The following TBC1D8B variants were observed in gnomAD, a reference collection of about 807,000 sequenced individuals.
TBC1D8B encodes the protein RP11-321G1.1.
TBC1D8B carries 75 observed loss-of-function variants against 82.9 expected under a neutral mutation model. The ratio of observed to expected loss-of-function variants is 0.90; its 90% confidence interval spans 0.75 to 1.10. The LOEUF (loss-of-function observed/expected upper bound fraction) is 1.10, where lower values mean the gene tolerates loss of function less well. Among genes scored for constraint, TBC1D8B ranks in the 50% least tolerant of loss-of-function variants. The pLI is 0.00. For missense variants in TBC1D8B, 794 were observed against 796.9 expected (o/e 1.00, Z 0.04); for synonymous variants, 276 against 276.8 (o/e 1.00, Z 0.03).
chrX:106,861,606 C>T (rs1354294929), intron 14 of TBC1D8B, among the ~76,000 whole-genome samples: 1 of 111,545 alleles, frequency 9.0e-6, no homozygotes, highest in African/African-American at 3.3e-5. Context: ...TACTTTGAGC[C>T]TTTGGATGTC....
At chrX:106,821,821 A>T (rs983839018) in intron 3 of TBC1D8B, among the ~76,000 whole-genome samples, 156 bp from the exon 4 acceptor site, 3 of 111,381 alleles carry the variant, frequency 2.7e-5, no homozygotes, top group Non-Finnish European at 1.9e-5. Context: ...TTTTTTCCCA[A>T]ATATTTTCAA....
At chrX:106,870,410 C>T (rs1053547000) in intron 19 of TBC1D8B, among the ~76,000 whole-genome samples, 1 of 112,054 alleles carries the variant, frequency 8.9e-6, no homozygotes, top group African/African-American at 3.2e-5. Flanking sequence ...AGAATGACTA[C>T]ATAAAATTTG....
At chrX:106,862,996 GC>G in intron 14 of TBC1D8B, among the ~76,000 whole-genome samples, 1 of 109,270 alleles carries the variant, frequency 9.2e-6, no homozygotes, top group South Asian at 4.0e-4. Context: ...TGCCAGAGAG[GC>G]CAAGGTGTTC....
intron 16 of TBC1D8B, 90 bp downstream of exon 16, chrX:106,866,123 C>T: frequency 3.3e-6 from 3 of 922,916 alleles, no homozygotes; most frequent in Non-Finnish European, 4.5e-6. Context: ...ATTATATCAC[C>T]ATGGGTTACA....
chrX:106,872,931 T>C lies in TBC1D8B; in HGVS notation c.2968-639T>C, dbSNP rs1055848522. Among the ~76,000 whole-genome samples the C allele has an allele frequency of 4.5e-5, 5 of 110,944 alleles. No individual in the cohort carries two copies. In the Admixed American group the frequency reaches 4.8e-4, roughly 11 times the overall value. ...GCTGCAGTGAGCTATGATTGCACCA[T>C]GGTACTCAAGCCTGGACAACACAGC... On this transcript the variant is annotated intron_variant, in intron 20 of 20. Coordinates refer to ENST00000357242, the MANE Select transcript of TBC1D8B (RefSeq NM_017752.3).
At chrX:106,812,153 A>T (rs1931400766) in intron 1 of TBC1D8B, among the ~76,000 whole-genome samples, 1 of 111,911 alleles carries the variant, frequency 8.9e-6, no homozygotes, top group African/African-American at 3.2e-5. Flanking sequence ...CTATTGAATT[A>T]TTCCAAAATA....
intron 4 of TBC1D8B, among the ~76,000 whole-genome samples, 193 bp from the exon 5 acceptor site, chrX:106,823,033 A>G (rs746339427): frequency 1.2e-4 from 13 of 111,091 alleles, no homozygotes; most frequent in Non-Finnish European, 2.5e-4. Flanking sequence ...TTAAAATTAG[A>G]TCTCTTCCTG....
intron 7 of TBC1D8B, among the ~76,000 whole-genome samples, chrX:106,832,139 A>ATCTCCAATTTAGAC (rs1932063774): frequency 2.7e-5 from 3 of 111,250 alleles, no homozygotes; most frequent in African/African-American, 6.5e-5. Flanking sequence ...TTTATTTTAA[A>ATCTCCAATTTAGAC]TCTCCAAGAG....
intron 14 of TBC1D8B, among the ~76,000 whole-genome samples, chrX:106,861,307 A>G: frequency 9.0e-6 from 1 of 111,363 alleles, no homozygotes; most frequent in East Asian, 2.8e-4. Flanking sequence ...GATATGACTA[A>G]TACTGTCAGT....
intron 7 of TBC1D8B, chrX:106,828,573 C>T (rs1211545484): frequency 9.1e-6 from 1 of 110,161 alleles, no homozygotes; most frequent in African/African-American, 3.4e-5. Context: ...TCCAGCAGCA[C>T]ATCAAAAAGC....
At chrX:106,858,639 A>G (rs1932742341) in intron 14 of TBC1D8B, among the ~76,000 whole-genome samples, 1 of 112,236 alleles carries the variant, frequency 8.9e-6, no homozygotes, top group East Asian at 2.8e-4. Flanking sequence ...ATAGTTTGCA[A>G]ATATTTTTTC....
At chrX:106,807,120 C>A (rs967257488) in intron 1 of TBC1D8B, among the ~76,000 whole-genome samples, 1 of 110,941 alleles carries the variant, frequency 9.0e-6, no homozygotes, top group Admixed American at 9.7e-5. Flanking sequence ...AAAATTTTGG[C>A]CTTCTAAGTA....
At chrX:106,862,776 G>GTTTTTTTTTT (rs1181091591) in intron 14 of TBC1D8B, among the ~76,000 whole-genome samples, 1,350 of 35,711 alleles carry the variant, frequency 0.038, 2 homozygotes, top group African/African-American at 0.045. Flanking sequence ...GTTTTTTTTT[G>GTTTTTTTTTT]TTTTTTTTTT....
chrX:106,812,145 A>G (rs1280803622), intron 1 of TBC1D8B, among the ~76,000 whole-genome samples: 1 of 111,807 alleles, frequency 8.9e-6, no homozygotes, highest in African/African-American at 3.2e-5. Flanking sequence ...AACTGTGGCT[A>G]TTGAATTATT....
rs184763309 is a variant in TBC1D8B at position 106,864,284 on chromosome X, T to C, written c.2353-1275T>C. ...AGAGTGTGAATTACCCTCTCCCGTA[T>C]TGGGGAGCTTCTCCTGACTCCGCAT... On this transcript the variant is annotated intron_variant, in intron 14 of 20. Transcript: ENST00000357242. 4.4e-4 allele frequency among the ~76,000 whole-genome samples: 49 copies of C among 110,590 alleles called. No individual in the cohort carries two copies. The South Asian group carries it at 5.6e-3, about 13-fold the overall frequency.
intron 3 of TBC1D8B, 37 bp downstream of exon 3, chrX:106,821,032 A>G: frequency 1.2e-6 from 1 of 838,791 alleles, no homozygotes; most frequent in Non-Finnish European, 1.7e-6. Context: ...ATGGAGTGCC[A>G]AAACCTTTGA....
At chrX:106,814,406 T>C (rs1335859194) in intron 1 of TBC1D8B, 1 of 106,344 alleles carries the variant, frequency 9.4e-6, no homozygotes, top group Non-Finnish European at 1.9e-5. Context: ...TAGTATTCCA[T>C]GGTGTATATG....
At position 106,826,187 on chromosome X, in the gene TBC1D8B, T is replaced by G. The variant is rs1455890654; in HGVS notation, c.985T>G (p.Phe329Val). The G allele has an allele frequency of 6.6e-6, 8 of 1,209,144 alleles. No individual in the cohort carries two copies. Among genetic ancestry groups the G allele is most frequent in the Non-Finnish European group, 7.8e-6 (7 of 894,726 alleles). ...KMCISENYIC[F>V]ASQDGNQCSV... ...GTGCATCTCAGAAAATTATATCTGC[T>G]TTGCTAGCCAAGATGGCAATCAGTG... is the stretch of plus-strand genomic sequence containing the variant. Residue 329 changes from phenylalanine (F) to valine (V), a missense_variant, in exon 6 of 21, where the codon TTT becomes GTT. By Grantham distance (50) the Phe-to-Val change is conservative (BLOSUM62 -1). Coordinates refer to ENST00000357242, the MANE Select transcript of TBC1D8B (RefSeq NM_017752.3).
intron 11 of TBC1D8B, chrX:106,849,788 G>A: frequency 1.1e-6 from 1 of 926,000 alleles, no homozygotes; most frequent in African/African-American, 2.0e-5. Flanking sequence ...ACCTAGTACA[G>A]GTCTCTGCAT....
Sources: gnomAD v4.1 joint callset for allele counts (sites outside exome capture counted in the v4.1 genomes callset) on GRCh38, gnomAD v4.1.1 for gene constraint, MANE v1.5 for transcripts, NCBI Gene and HGNC (gene_info 2026-07-23, HGNC 2026-07-21) for gene names.